PTPRT: variants seen among roughly 807,000 people sequenced by gnomAD.
PTPRT encodes receptor-type tyrosine-protein phosphatase T.
In PTPRT, 56 loss-of-function variants were observed where a neutral mutation model predicts 176.8. The observed-to-expected ratio is 0.32, with a 90% CI of 0.26 to 0.40. The LOEUF (loss-of-function observed/expected upper bound fraction) is 0.40, where lower values mean the gene tolerates loss of function less well. PTPRT is among the 10% of genes least tolerant of loss of function. The probability of loss-of-function intolerance (pLI) is 1.00; values close to 1 mark genes in which losing one functional copy is unlikely to be tolerated. For synonymous variants in PTPRT, 783 were observed against 739.0 expected (o/e 1.06, Z -0.96); for missense variants, 1,540 against 1,908.2 (o/e 0.81, Z 3.60).
intron 13 of PTPRT, among the ~76,000 whole-genome samples, chr20:42,270,824 C>T (rs529858256): frequency 2.6e-5 from 4 of 152,214 alleles, no homozygotes; most frequent in African/African-American, 9.6e-5. Flanking sequence ...TAAATGGTGC[C>T]ACCATCCATG....
chr20:43,102,284 T>TCTCTCACACA lies in PTPRT; in HGVS notation c.88+87361_88+87362insTGTGTGAGAG, dbSNP rs138696752. ...TCTCTCTGTCTCTTTCACTCACACA[T>TCTCTCACACA]CACACACACACACACACACACACAC... On this transcript the variant is annotated intron_variant, in intron 1 of 30. Transcript: ENST00000373187. Among the ~76,000 whole-genome samples the TCTCTCACACA allele has an allele frequency of 2.6e-3, 368 of 140,546 alleles. 1 individual carries two copies. The highest frequency in any genetic ancestry group is 8.7e-3 in the African/African-American group (327 of 37,748). The allele number at this position is 140,546 out of a possible 152,430, so 92.2% of individuals were successfully genotyped here.
intron 13 of PTPRT, among the ~76,000 whole-genome samples, chr20:42,277,504 A>C (rs2057061068): frequency 6.6e-6 from 1 of 152,202 alleles, no homozygotes; most frequent in Non-Finnish European, 1.5e-5. Context: ...TCCTGACCCT[A>C]ACCAAGGCTG....
intron 7 of PTPRT, among the ~76,000 whole-genome samples, chr20:42,504,262 T>A (rs2071805401): frequency 6.6e-6 from 1 of 152,152 alleles, no homozygotes; most frequent in Non-Finnish European, 1.5e-5. Context: ...TGTAATCCCA[T>A]CTATTCATTT....
At chr20:42,616,094 C>T (rs1274005849) in intron 7 of PTPRT, among the ~76,000 whole-genome samples, 1 of 130,214 alleles carries the variant, frequency 7.7e-6, no homozygotes, top group Non-Finnish European at 1.6e-5. Context: ...ATCTTTAATC[C>T]ATCTTGAATT....
chr20:42,870,520 C>G (rs965951404), intron 2 of PTPRT, among the ~76,000 whole-genome samples: 1 of 152,216 alleles, frequency 6.6e-6, no homozygotes, highest in Non-Finnish European at 1.5e-5. Context: ...GATATACTGT[C>G]ACGTGCAGCA....
intron 7 of PTPRT, among the ~76,000 whole-genome samples, chr20:42,660,414 T>C (rs1736677745): frequency 6.6e-6 from 1 of 152,132 alleles, no homozygotes; most frequent in African/African-American, 2.4e-5. Flanking sequence ...GGTGCTGGAA[T>C]AATAGGTTAA....
intron 7 of PTPRT, among the ~76,000 whole-genome samples, chr20:42,644,985 T>G (rs537083078): frequency 1.3e-5 from 2 of 152,260 alleles, no homozygotes; most frequent in South Asian, 4.1e-4. Flanking sequence ...CAATCAGAAG[T>G]ACAAGCCAAG....
At chr20:42,972,184 G>A (rs1982684470) in intron 1 of PTPRT, among the ~76,000 whole-genome samples, 1 of 144,306 alleles carries the variant, frequency 6.9e-6, no homozygotes, top group Non-Finnish European at 1.6e-5. Flanking sequence ...TTTGGGGAGG[G>A]GAGGCACGGC....
intron 6 of PTPRT, among the ~76,000 whole-genome samples, chr20:42,745,515 A>G (rs949163372): frequency 2.0e-5 from 3 of 152,192 alleles, no homozygotes; most frequent in African/African-American, 7.2e-5. Context: ...GTCTCCAGAC[A>G]TTGCCAAATG....
At chr20:42,283,064 G>T (rs560482555) in intron 12 of PTPRT, among the ~76,000 whole-genome samples, 1 of 152,104 alleles carries the variant, frequency 6.6e-6, no homozygotes, top group Non-Finnish European at 1.5e-5. Context: ...TCTTGTGTGG[G>T]CCTCGCAACC....
chr20:42,969,399 C>A (rs1247639613), intron 1 of PTPRT: 1 of 152,214 alleles, frequency 6.6e-6, no homozygotes, highest in African/African-American at 2.4e-5. Context: ...GTTATGCCCA[C>A]AAGGTAGCCA....
intron 1 of PTPRT, among the ~76,000 whole-genome samples, chr20:43,174,342 C>T (rs1277449475): frequency 6.6e-6 from 1 of 152,180 alleles, no homozygotes; most frequent in Non-Finnish European, 1.5e-5. Flanking sequence ...GTTATGAAAA[C>T]TCAAGGAGTG....
intron 2 of PTPRT, among the ~76,000 whole-genome samples, chr20:42,836,372 T>C (rs1469047634): frequency 1.3e-5 from 2 of 152,202 alleles, no homozygotes; most frequent in Non-Finnish European, 2.9e-5. Flanking sequence ...TGCCACCACC[T>C]GGTCTGTGTA....
chr20:42,671,206 C>T (rs548959205), intron 7 of PTPRT, among the ~76,000 whole-genome samples: 2 of 152,284 alleles, frequency 1.3e-5, no homozygotes, highest in East Asian at 3.9e-4. Context: ...AGCAGCCTGC[C>T]TACTGCCCCC....
intron 6 of PTPRT, chr20:42,686,169 A>C (rs2075687534): frequency 6.6e-6 from 1 of 152,216 alleles, no homozygotes. Context: ...AGCAGACAGT[A>C]CTACACCCTT....
At chr20:42,647,041 G>A (rs1044418230) in intron 7 of PTPRT, among the ~76,000 whole-genome samples, 1 of 151,420 alleles carries the variant, frequency 6.6e-6, no homozygotes, top group Non-Finnish European at 1.5e-5. Flanking sequence ...ACTACAGGGT[G>A]TGTTACCATG....
At chr20:42,252,822 G>A (rs914759726) in intron 13 of PTPRT, among the ~76,000 whole-genome samples, 6 of 152,216 alleles carry the variant, frequency 3.9e-5, no homozygotes, top group African/African-American at 1.2e-4. Context: ...AGGTTTAGAC[G>A]AATTCAATGA....
Position 42,677,914 on chromosome 20 carries a change from C to A in PTPRT, c.1105G>T (p.Gly369Cys), listed in dbSNP as rs2146064784. The A allele has an allele frequency of 6.2e-7, 1 of 1,614,040 alleles. No homozygotes were observed. The highest frequency in any genetic ancestry group is 8.5e-7 in the Non-Finnish European group (1 of 1,180,004). Reference protein sequence around the residue: ...RVLLTRPGEGGTGPPGPPLTT... With the variant: ...RVLLTRPGEGCTGPPGPPLTT... The stretch of plus-strand genomic sequence containing the variant: ...AGGGGAGGCCCTGGCGGTCCCGTAC[C>A]CCCCTCACCTGGTCGTGTGAGGAGC... Residue 369 changes from glycine to cysteine, a missense_variant, in exon 7 of 31, where the codon GGT becomes TGT. Gly to Cys is a radical substitution (Grantham distance 159). Around this residue, in one of 11 missense-constraint regions of PTPRT, gnomAD observed 273 missense variants for 432.1 expected, o/e 0.63. Transcript: ENST00000373187.
intron 22 of PTPRT, among the ~76,000 whole-genome samples, chr20:42,112,729 G>A (rs1405042826): frequency 6.6e-6 from 1 of 152,010 alleles, no homozygotes; most frequent in Non-Finnish European, 1.5e-5. Context: ...CTAAACACAT[G>A]AGCCAGGGCA....
Sources: allele counts gnomAD v4.1 joint callset (sites outside exome capture counted in the v4.1 genomes callset), GRCh38; gene constraint gnomAD v4.1.1; regional missense constraint gnomAD v4.1.1; transcripts MANE v1.5; gene names NCBI Gene and HGNC (gene_info 2026-07-23, HGNC 2026-07-21).